Variants in CSMD1 observed in about 807,000 individuals in gnomAD.
CSMD1 encodes CUB and sushi domain-containing protein 1.
In CSMD1, 213 loss-of-function variants were observed where a neutral mutation model predicts 417.5. The ratio of observed to expected loss-of-function variants is 0.51; its 90% CI spans 0.46 to 0.57. The LOEUF (loss-of-function observed/expected upper bound fraction) is 0.57, where lower values mean the gene tolerates loss of function less well. Ranked by LOEUF, CSMD1 falls within the 20% of genes least tolerant of loss-of-function variation. The probability of loss-of-function intolerance (pLI) is 0.00; values close to 1 mark genes in which losing one functional copy is unlikely to be tolerated. For missense variants in CSMD1, 6,923 were observed against 4,529.7 expected (o/e 1.53, Z -15.17); for synonymous variants, 2,862 against 1,736.8 (o/e 1.65, Z -16.11).
chr8:3,894,736 A>C (rs1195735243), intron 5 of CSMD1, among the ~76,000 whole-genome samples: 1 of 152,178 alleles, frequency 6.6e-6, no homozygotes, highest in Non-Finnish European at 1.5e-5. Context: ...GATTAACTAG[A>C]ATTACTAAGG....
intron 1 of CSMD1, among the ~76,000 whole-genome samples, chr8:4,719,362 G>C (rs1002880725): frequency 1.3e-5 from 2 of 152,090 alleles, no homozygotes; most frequent in Non-Finnish European, 2.9e-5. Flanking sequence ...ATGCGCTTGA[G>C]CCTGCTCATT....
At chr8:4,112,620 A>G (rs1460269047) in intron 3 of CSMD1, among the ~76,000 whole-genome samples, 1 of 152,188 alleles carries the variant, frequency 6.6e-6, no homozygotes, top group African/African-American at 2.4e-5. Context: ...GGTTCTCAGC[A>G]AGCAGGGACC....
intron 5 of CSMD1, among the ~76,000 whole-genome samples, chr8:3,763,040 A>C (rs1798095529): frequency 6.6e-6 from 1 of 152,130 alleles, no homozygotes; most frequent in Non-Finnish European, 1.5e-5. Context: ...GCTTAATGTT[A>C]GTCATTTTTG....
rs532643766 is a variant in CSMD1, at chr8:3,154,689, A to T, written c.5915-3176T>A. On this transcript the variant is annotated intron_variant, in intron 39 of 69. Coordinates refer to ENST00000635120, the MANE Select transcript of CSMD1 (RefSeq NM_033225.6). Reference sequence around the variant, plus strand: ...AGCTGTAGAGCCCTAGAAAACTGCGAGACCATTCTGGGGCTTGTTATAAAT... The same window carrying T: ...AGCTGTAGAGCCCTAGAAAACTGCGTGACCATTCTGGGGCTTGTTATAAAT... Among the ~76,000 whole-genome samples the T allele has an allele frequency of 1.1e-4, 16 of 152,308 alleles. No individual in the cohort carries two copies. In the South Asian group the frequency reaches 3.3e-3, roughly 32 times the overall value.
chr8:3,328,544 T>G (rs1034877022), intron 23 of CSMD1, among the ~76,000 whole-genome samples: 1 of 152,256 alleles, frequency 6.6e-6, no homozygotes. Context: ...AATGTATTCC[T>G]GTTTTTCCTG....
intron 3 of CSMD1, among the ~76,000 whole-genome samples, chr8:4,332,824 CTTTA>C (rs1799952255): frequency 6.6e-6 from 1 of 151,672 alleles, no homozygotes; most frequent in African/African-American, 2.4e-5. Flanking sequence ...TTCAGGGAAA[CTTTA>C]TTTAGCTGAT....
At chr8:4,093,848 C>T (rs1403187659) in intron 3 of CSMD1, among the ~76,000 whole-genome samples, 1 of 151,940 alleles carries the variant, frequency 6.6e-6, no homozygotes, top group Middle Eastern at 3.2e-3. Context: ...GTAATCCCAG[C>T]AATCGGGAGG....
intron 5 of CSMD1, among the ~76,000 whole-genome samples, chr8:3,956,269 T>C (rs962351782): frequency 6.6e-6 from 1 of 152,200 alleles, no homozygotes; most frequent in African/African-American, 2.4e-5. Flanking sequence ...ATTTGACTTT[T>C]AAAACAATGA....
chr8:4,577,486 A>T (rs1799193501), intron 2 of CSMD1, among the ~76,000 whole-genome samples: 1 of 152,004 alleles, frequency 6.6e-6, no homozygotes, highest in Non-Finnish European at 1.5e-5. Flanking sequence ...CCTCTTCCCT[A>T]TGCCACCACA....
At chr8:4,290,143 G>A (rs1797280473) in intron 3 of CSMD1, among the ~76,000 whole-genome samples, 1 of 152,194 alleles carries the variant, frequency 6.6e-6, no homozygotes, top group Admixed American at 6.5e-5. Context: ...AGGGAGTGGT[G>A]AGGAAATGCT....
chr8:4,477,038 G>A (rs1181357210), intron 2 of CSMD1, among the ~76,000 whole-genome samples: 1 of 152,200 alleles, frequency 6.6e-6, no homozygotes, highest in Non-Finnish European at 1.5e-5. Flanking sequence ...CCTCCCGCAG[G>A]GCTGGTGGGA....
intron 2 of CSMD1, among the ~76,000 whole-genome samples, chr8:4,595,770 T>C (rs1800243776): frequency 6.6e-6 from 1 of 152,184 alleles, no homozygotes; most frequent in Non-Finnish European, 1.5e-5. Flanking sequence ...CATTCTTATC[T>C]CATTTCTCCA....
intron 1 of CSMD1, among the ~76,000 whole-genome samples, chr8:4,638,693 G>A (rs991257601): frequency 6.6e-6 from 1 of 152,118 alleles, no homozygotes; most frequent in Non-Finnish European, 1.5e-5. Context: ...GACATCTCAC[G>A]TTTTACTCAG....
At chr8:3,974,485 G>C (rs1009075188) in intron 5 of CSMD1, among the ~76,000 whole-genome samples, 14 of 151,674 alleles carry the variant, frequency 9.2e-5, no homozygotes, top group Non-Finnish European at 2.1e-4. Context: ...TATTAAAACA[G>C]AAAAAAAGTA....
intron 2 of CSMD1, among the ~76,000 whole-genome samples, chr8:4,478,480 C>G (rs894637856): frequency 6.6e-6 from 1 of 151,990 alleles, no homozygotes; most frequent in African/African-American, 2.4e-5. Context: ...TCTTCATTAG[C>G]TTTCCCCCCC....
At chr8:3,205,710 G>C in intron 30 of CSMD1, 90 bp from the exon 31 acceptor site, 1 of 538,264 alleles carries the variant, frequency 1.9e-6, no homozygotes, top group South Asian at 2.8e-5. Flanking sequence ...AAACACGTGA[G>C]CACGTTTATT....
chr8:4,055,934 G>T (rs907658791), intron 3 of CSMD1, among the ~76,000 whole-genome samples: 9 of 152,110 alleles, frequency 5.9e-5, no homozygotes, highest in Non-Finnish European at 1.0e-4. Context: ...ACAAAAATAT[G>T]TAAATTACAC....
At chr8:3,077,659 C>T (rs1813783041) in intron 49 of CSMD1, among the ~76,000 whole-genome samples, 1 of 152,246 alleles carries the variant, frequency 6.6e-6, no homozygotes, top group African/African-American at 2.4e-5. Flanking sequence ...AGGCTTATGC[C>T]TGCATGCCCA....
chr8:4,885,256 C>G (rs577854234), intron 1 of CSMD1, among the ~76,000 whole-genome samples: 2 of 151,954 alleles, frequency 1.3e-5, no homozygotes, highest in African/African-American at 4.8e-5. Context: ...TTTTCCATGT[C>G]CAAGAGTGTA....
Sources: gnomAD v4.1 joint callset for allele counts (sites outside exome capture counted in the v4.1 genomes callset) on GRCh38, gnomAD v4.1.1 for gene constraint, MANE v1.5 for transcripts, NCBI Gene and HGNC (gene_info 2026-07-23, HGNC 2026-07-21) for gene names.